PKHD1: variants seen among roughly 807,000 people sequenced by gnomAD.
PKHD1 encodes the protein PKHD1 ciliary IPT domain containing fibrocystin/polyductin.
Under a neutral mutation model 412.0 loss-of-function variants are expected in PKHD1, and 291 were observed. That is an observed-to-expected ratio of 0.71 (90% CI 0.64 to 0.78). PKHD1 has a LOEUF of 0.78. Among genes scored for constraint, PKHD1 ranks in the 30% least tolerant of loss-of-function variants. The pLI, the probability that PKHD1 is intolerant of heterozygous loss-of-function variation, is 0.00. For synonymous variants in PKHD1, 1,777 were observed against 1,821.5 expected, an observed-to-expected ratio of 0.98 and a Z score of 0.62; for missense variants, 4,825 against 4,950.7, an observed-to-expected ratio of 0.97 and a Z score of 0.76.
intron 60 of PKHD1, among the ~76,000 whole-genome samples, chr6:51,673,050 G>A (rs1250525614): frequency 6.6e-6 from 1 of 152,148 alleles, no homozygotes; most frequent in Non-Finnish European, 1.5e-5. Flanking sequence ...ACTTGAAGAT[G>A]ATATGAACAA....
At chr6:51,823,741 T>C (rs555117435) in intron 52 of PKHD1, among the ~76,000 whole-genome samples, 5 of 152,328 alleles carry the variant, frequency 3.3e-5, no homozygotes, top group Middle Eastern at 3.4e-3. Flanking sequence ...AAAGCATATA[T>C]AGTTGAGGGA....
At chr6:51,817,334 G>GA (rs56130101) in intron 52 of PKHD1, among the ~76,000 whole-genome samples, 117,757 of 151,224 alleles carry the variant, frequency 0.78, 46,273 homozygotes, top group East Asian at 0.98. Flanking sequence ...GATTTAGTAA[G>GA]AAAAAAAAAT....
chr6:52,016,400 C>A (rs1048507727), intron 34 of PKHD1, among the ~76,000 whole-genome samples: 22 of 151,994 alleles, frequency 1.4e-4, no homozygotes, highest in Non-Finnish European at 2.6e-4. Context: ...CTTTGGGAGA[C>A]CAAGTCGGGT....
intron 35 of PKHD1, among the ~76,000 whole-genome samples, chr6:51,984,142 G>A (rs1424255256): frequency 1.3e-5 from 2 of 152,186 alleles, no homozygotes; most frequent in Non-Finnish European, 2.9e-5. Flanking sequence ...TCTAGCATTC[G>A]CTCATTAGAA....
chr6:51,700,946 A>C (rs1161008733), intron 60 of PKHD1, among the ~76,000 whole-genome samples: 1 of 152,106 alleles, frequency 6.6e-6, no homozygotes, highest in Non-Finnish European at 1.5e-5. Flanking sequence ...TCTAAACCCC[A>C]GCCAATTAGT....
chr6:51,727,917 C>T (rs1400057738), intron 60 of PKHD1, among the ~76,000 whole-genome samples: 4 of 152,090 alleles, frequency 2.6e-5, no homozygotes, highest in Admixed American at 1.3e-4. Context: ...AGGGGAGAGC[C>T]CTCTTCTGCC....
intron 28 of PKHD1, among the ~76,000 whole-genome samples, chr6:52,035,178 T>C (rs2128167858): frequency 1.3e-5 from 2 of 152,342 alleles, no homozygotes; most frequent in Admixed American, 1.3e-4. Context: ...GTTTCTAAGT[T>C]CTACAATTAA....
rs1583263194 is a variant in PKHD1, at chr6:51,898,255, T to TA, written c.6996+5341dup. On this transcript the variant is annotated intron_variant, in intron 43 of 66. Coordinates refer to ENST00000371117, the MANE Select transcript of PKHD1 (RefSeq NM_138694.4). ...CACACCTATTCCAAAATTGACCACA[T>TA]ACTTGGAAGTAAAGCTCTCCTCAGC... 2.7e-5 allele frequency among the ~76,000 whole-genome samples: 4 copies of TA among 150,178 alleles called. No homozygotes were observed. In the South Asian group the frequency reaches 6.5e-4, roughly 24 times the overall value.
At chr6:51,744,612 G>T in intron 59 of PKHD1, 70 bp from the exon 60 acceptor site, 1 of 1,131,144 alleles carries the variant, frequency 8.8e-7, no homozygotes, top group Non-Finnish European at 1.3e-6. Context: ...TACATTGGTA[G>T]TGCTAATGTT....
At chr6:51,631,957 T>C (rs1471099284) in intron 65 of PKHD1, among the ~76,000 whole-genome samples, 1 of 150,352 alleles carries the variant, frequency 6.7e-6, no homozygotes. Context: ...TTTTTTTTAT[T>C]GTGACAGAAT....
At chr6:52,008,056 T>A (rs139079539) in intron 35 of PKHD1, among the ~76,000 whole-genome samples, 154 of 152,300 alleles carry the variant, frequency 1.0e-3, no homozygotes, top group Non-Finnish European at 1.4e-3. Flanking sequence ...CACTTGAGTG[T>A]AACACATCAC....
At chr6:51,932,898 G>A (rs956714892) in intron 37 of PKHD1, among the ~76,000 whole-genome samples, 14 of 152,164 alleles carry the variant, frequency 9.2e-5, no homozygotes, top group Non-Finnish European at 2.1e-4. Flanking sequence ...TGGGGCCTGT[G>A]GTCGGTATGA....
intron 60 of PKHD1, among the ~76,000 whole-genome samples, chr6:51,709,192 C>T (rs1335496428): frequency 6.6e-6 from 1 of 152,174 alleles, no homozygotes; most frequent in Non-Finnish European, 1.5e-5. Context: ...AAGTCAAGCA[C>T]CATGTTCACC....
intron 60 of PKHD1, among the ~76,000 whole-genome samples, chr6:51,662,966 T>C (rs769708154): frequency 6.6e-6 from 1 of 152,104 alleles, no homozygotes; most frequent in Non-Finnish European, 1.5e-5. Flanking sequence ...CTCCTTTTTT[T>C]AACCTTCACA....
chr6:51,870,712 T>C (rs1324413343), intron 46 of PKHD1, 73 bp from the exon 47 acceptor site: 7 of 1,202,886 alleles, frequency 5.8e-6, no homozygotes, highest in East Asian at 2.3e-5. Context: ...TCATAATGCA[T>C]GAATAAAAAC....
chr6:52,081,247 T>A (rs1311107717), intron 4 of PKHD1, among the ~76,000 whole-genome samples: 1 of 152,200 alleles, frequency 6.6e-6, no homozygotes, highest in Non-Finnish European at 1.5e-5. Context: ...TCATGGCAAG[T>A]CTTTGCAGAA....
At chr6:52,012,398 G>A (rs1284113987) in intron 34 of PKHD1, among the ~76,000 whole-genome samples, 2 of 152,088 alleles carry the variant, frequency 1.3e-5, no homozygotes, top group African/African-American at 4.8e-5. Context: ...TCTCTCACTG[G>A]TTTAGACCTG....
chr6:51,646,135 C>G (rs1202832923), intron 63 of PKHD1, among the ~76,000 whole-genome samples: 1 of 152,134 alleles, frequency 6.6e-6, no homozygotes, highest in Non-Finnish European at 1.5e-5. Flanking sequence ...TCCATCGAAC[C>G]CTTCTATTCT....
intron 37 of PKHD1, among the ~76,000 whole-genome samples, chr6:51,913,285 A>G (rs1783258794): frequency 6.6e-6 from 1 of 152,114 alleles, no homozygotes; most frequent in African/African-American, 2.4e-5. Flanking sequence ...TTCAAACTCT[A>G]AAAACTAGAC....
Sources: allele counts gnomAD v4.1 joint callset (sites outside exome capture counted in the v4.1 genomes callset), GRCh38; gene constraint gnomAD v4.1.1; transcripts MANE v1.5; gene names NCBI Gene and HGNC (gene_info 2026-07-23, HGNC 2026-07-21).